KIAA0586: variants seen among roughly 807,000 people sequenced by gnomAD.
KIAA0586 encodes the protein protein TALPID3.
A neutral mutation model predicts 169.8 loss-of-function variants in KIAA0586; 144 were observed. The observed-to-expected ratio is 0.85, with a 90% CI of 0.74 to 0.97. The LOEUF (loss-of-function observed/expected upper bound fraction) is 0.97. KIAA0586 is among the 50% of genes least tolerant of loss of function. The pLI is 0.00. For missense variants in KIAA0586, 1,854 were observed against 1,823.0 expected, an observed-to-expected ratio of 1.02 and a Z score of -0.31; for synonymous variants, 625 against 612.4, an observed-to-expected ratio of 1.02 and a Z score of -0.30.
chr14:58,508,781 C>G (rs570131003), intron 28 of KIAA0586, 72 bp downstream of exon 28: 17 of 1,181,504 alleles, frequency 1.4e-5, no homozygotes, highest in Non-Finnish European at 1.8e-5. Context: ...CGTGGTACCC[C>G]GTCAAGAGCC....
intron 4 of KIAA0586, among the ~76,000 whole-genome samples, chr14:58,440,695 G>T (rs542940949): frequency 6.6e-6 from 1 of 152,170 alleles, no homozygotes; most frequent in Non-Finnish European, 1.5e-5. Flanking sequence ...CTTTTCAGTG[G>T]TGTTATCAAT....
chr14:58,497,754 TTACAC>T (rs1444496188), intron 26 of KIAA0586, among the ~76,000 whole-genome samples: 1 of 152,162 alleles, frequency 6.6e-6, no homozygotes, highest in Non-Finnish European at 1.5e-5. Flanking sequence ...ATTGTAAAGT[TTACAC>T]TAACAAACTT....
At chr14:58,486,155 A>C (rs143572997) in intron 21 of KIAA0586, among the ~76,000 whole-genome samples, 1 of 151,954 alleles carries the variant, frequency 6.6e-6, no homozygotes, top group Admixed American at 6.6e-5. Flanking sequence ...GTTTATGTCT[A>C]TGTGTGCTCA....
Position 58,547,900 on chromosome 14 carries a change from G to T in KIAA0586, c.4615G>T (p.Asp1539Tyr). The T allele has an allele frequency of 6.2e-7, 1 of 1,613,726 alleles. No homozygotes were observed. Among genetic ancestry groups the T allele is most frequent in the Non-Finnish European group, 8.5e-7 (1 of 1,179,760 alleles). ...QSLSLSTMQE[D>Y]MESSGADTF ...TCTGAGTCTCAGCACAATGCAGGAG[G>T]ACATGGAGTCTTCGGGGGCAGATAC... Residue 1539 changes from aspartate (D) to tyrosine (Y), a missense_variant, in exon 31 of 31, where the codon GAC becomes TAC. By Grantham distance (160) the Asp-to-Tyr change is radical. Transcript: ENST00000652326.
At chr14:58,455,193 T>G (rs1288954713) in intron 9 of KIAA0586, among the ~76,000 whole-genome samples, 1 of 152,196 alleles carries the variant, frequency 6.6e-6, no homozygotes, top group Non-Finnish European at 1.5e-5. Flanking sequence ...TAAAAAAATG[T>G]TTTCTATCTC....
At chr14:58,508,144 T>C (rs904552436) in intron 27 of KIAA0586, among the ~76,000 whole-genome samples, 2 of 152,162 alleles carry the variant, frequency 1.3e-5, no homozygotes, top group African/African-American at 4.8e-5. Flanking sequence ...ATCTACAGAA[T>C]AGAGCTAGGC....
In KIAA0586 at chr14:58,488,735, C is replaced by T; in HGVS notation, c.3642C>T (p.Ser1214=). ...TTCCTGCCGGCACCAAGGCCCCTTC[C>T]CCCTCACAGATGCCAGGTTCTGATT... ...MPFPAGTKAP[S]PSQMPGSDSS... The change falls in exon 24 of 31, where the codon TCC becomes TCT. Residue 1214 remains serine, a synonymous_variant. Coordinates refer to ENST00000652326, the MANE Select transcript of KIAA0586 (RefSeq NM_001329943.3). 6.2e-7 allele frequency: 1 copy of T among 1,613,878 alleles called. No individual in the cohort carries two copies. Among genetic ancestry groups the T allele is most frequent in the Non-Finnish European group, 8.5e-7 (1 of 1,179,848 alleles).
chr14:58,483,044 A>G (rs1309687451), intron 21 of KIAA0586, among the ~76,000 whole-genome samples: 1 of 152,236 alleles, frequency 6.6e-6, no homozygotes, highest in Non-Finnish European at 1.5e-5. Context: ...TAAAATGAAC[A>G]TCTGTACACC....
intron 21 of KIAA0586, among the ~76,000 whole-genome samples, chr14:58,483,611 G>T (rs183496319): frequency 6.6e-6 from 1 of 151,832 alleles, no homozygotes; most frequent in East Asian, 1.9e-4. Context: ...ACATTGCTTT[G>T]CGTTATTATA....
At chr14:58,554,455 T>C (rs1455022637), downstream of KIAA0586, among the ~76,000 whole-genome samples, 1 of 152,236 alleles carries the variant, frequency 6.6e-6, no homozygotes, top group Non-Finnish European at 1.5e-5. Context: ...CAAAACCATA[T>C]GCTAATGAGC....
chr14:58,522,016 T>C, intron 29 of KIAA0586: 1 of 1,240,676 alleles, frequency 8.1e-7, no homozygotes, highest in Non-Finnish European at 1.2e-6. Context: ...TTAGAAATCT[T>C]ATCCCATCAT....
chr14:58,432,285 T>C, intron 3 of KIAA0586, 103 bp from the exon 4 acceptor site: 1 of 675,604 alleles, frequency 1.5e-6, no homozygotes, highest in Non-Finnish European at 2.5e-6. Context: ...TATGGCTGAG[T>C]TCCTAAACAT....
At chr14:58,506,089 A>G (rs1017404540) in intron 27 of KIAA0586, among the ~76,000 whole-genome samples, 17 of 152,098 alleles carry the variant, frequency 1.1e-4, no homozygotes, top group African/African-American at 3.9e-4. Context: ...TTTTCTAGGC[A>G]TATACCATAT....
chr14:58,547,912 T>C lies in KIAA0586; in HGVS notation c.4627T>C (p.Ser1543Pro), dbSNP rs1489086985. ...CACAATGCAGGAGGACATGGAGTCT[T>C]CGGGGGCAGATACCTTCTGAACGGG... ...LSTMQEDMES[S>P]GADTF is the part of the protein sequence containing the mutation. Residue 1543 changes from serine to proline, a missense_variant, in exon 31 of 31, where the codon TCG (serine) becomes CCG (proline). Transcript: ENST00000652326. 6.2e-7 allele frequency: 1 copy of C among 1,613,560 alleles called. No individual in the cohort carries two copies. Among genetic ancestry groups the C allele is most frequent in the African/African-American group, 1.3e-5 (1 of 74,884 alleles).
chr14:58,535,718 G>C (rs201926153), intron 29 of KIAA0586, among the ~76,000 whole-genome samples: 2 of 138,610 alleles, frequency 1.4e-5, no homozygotes, highest in Admixed American at 1.5e-4. Flanking sequence ...TTTTTTTTTA[G>C]TGAACTCAAA....
At chr14:58,459,702 C>T in intron 12 of KIAA0586, 141 bp from the exon 13 acceptor site, 4 of 457,574 alleles carry the variant, frequency 8.7e-6, no homozygotes, top group Non-Finnish European at 1.5e-5. Context: ...TCCAATAAAG[C>T]CAATATCCTT....
At chr14:58,430,602 A>C (rs766653685) in intron 2 of KIAA0586, 46 bp from the exon 3 acceptor site, 1 of 1,195,316 alleles carries the variant, frequency 8.4e-7, no homozygotes, top group South Asian at 1.3e-5. Flanking sequence ...ATAAATAATA[A>C]ATCATGAAGT....
At chr14:58,521,678 C>T (rs1352951969) in intron 29 of KIAA0586, 1 of 949,512 alleles carries the variant, frequency 1.1e-6, no homozygotes, top group Non-Finnish European at 1.7e-6. Flanking sequence ...GGAATTGACC[C>T]AGATAAAACA....
At chr14:58,448,116 A>C (rs2039058428) in intron 6 of KIAA0586, among the ~76,000 whole-genome samples, 1 of 152,220 alleles carries the variant, frequency 6.6e-6, no homozygotes, top group South Asian at 2.1e-4. Context: ...AAAATGATTA[A>C]GGTCACACAG....
Sources: gnomAD v4.1 joint callset for allele counts (sites outside exome capture counted in the v4.1 genomes callset) on GRCh38, gnomAD v4.1.1 for gene constraint, MANE v1.5 for transcripts, NCBI Gene and HGNC (gene_info 2026-07-23, HGNC 2026-07-21) for gene names.